The following NTN1 variants were observed in gnomAD, a reference collection of about 807,000 sequenced individuals.
NTN1 encodes netrin-1.
Under a neutral mutation model 54.2 loss-of-function variants are expected in NTN1, and 11 were observed. The ratio of observed to expected loss-of-function variants is 0.20; its 90% confidence interval spans 0.13 to 0.34. The LOEUF is 0.34. Among genes scored for constraint, NTN1 ranks in the 10% least tolerant of loss-of-function variants. The pLI is 1.00. For synonymous variants in NTN1, 371 were observed against 382.0 expected, an observed-to-expected ratio of 0.97 and a Z score of 0.33; for missense variants, 740 against 893.1, an observed-to-expected ratio of 0.83 and a Z score of 2.18.
chr17:9,118,478 C>G (rs1428773214), intron 2 of NTN1, among the ~76,000 whole-genome samples: 4 of 152,200 alleles, frequency 2.6e-5, no homozygotes, highest in African/African-American at 9.6e-5. Flanking sequence ...CGCCATTGCA[C>G]TCCAGCCTGG....
At chr17:9,148,814 T>C (rs964371431) in intron 2 of NTN1, among the ~76,000 whole-genome samples, 6 of 151,904 alleles carry the variant, frequency 3.9e-5, no homozygotes, top group Non-Finnish European at 8.8e-5. Context: ...TGTGCAGTAT[T>C]GAACCCTGCA....
At chr17:9,073,743 C>T (rs952327864) in intron 2 of NTN1, among the ~76,000 whole-genome samples, 3 of 152,196 alleles carry the variant, frequency 2.0e-5, no homozygotes, top group South Asian at 2.1e-4. Flanking sequence ...CCAGGTTGTG[C>T]GTTCCAGAGA....
intron 2 of NTN1, among the ~76,000 whole-genome samples, chr17:9,044,281 C>T (rs1270147658): frequency 4.6e-5 from 7 of 151,418 alleles, no homozygotes; most frequent in Admixed American, 4.6e-4. Flanking sequence ...GCGGCCCAGG[C>T]TGGAGTGCAA....
chr17:9,021,071 G>A (rs2091844726), upstream of NTN1, among the ~76,000 whole-genome samples: 1 of 152,186 alleles, frequency 6.6e-6, no homozygotes, highest in South Asian at 2.1e-4. Context: ...TTAGAGGAAG[G>A]CCCGACCTCC....
At chr17:9,032,912 A>C (rs908748559) in intron 2 of NTN1, among the ~76,000 whole-genome samples, 1 of 151,138 alleles carries the variant, frequency 6.6e-6, no homozygotes, top group Non-Finnish European at 1.5e-5. Context: ...CTGAGCTGCC[A>C]TGAGGAAGGA....
intron 2 of NTN1, among the ~76,000 whole-genome samples, chr17:9,138,853 C>T (rs1014668490): frequency 7.9e-5 from 12 of 152,084 alleles, no homozygotes; most frequent in Non-Finnish European, 4.4e-5. Context: ...GCTGACCTTC[C>T]CACAAGGTGG....
intron 2 of NTN1, among the ~76,000 whole-genome samples, chr17:9,084,734 C>T (rs1410970575): frequency 5.4e-5 from 8 of 147,198 alleles, no homozygotes; most frequent in African/African-American, 2.0e-4. Flanking sequence ...TCACTGCAAC[C>T]TCCGCCTCCT....
At chr17:9,085,993 G>A (rs1303216764) in intron 2 of NTN1, among the ~76,000 whole-genome samples, 7 of 152,176 alleles carry the variant, frequency 4.6e-5, no homozygotes, top group African/African-American at 1.7e-4. Flanking sequence ...TGCCCAGATG[G>A]TCTCTTGCAG....
chr17:9,078,465 C>T (rs999865501), intron 2 of NTN1, among the ~76,000 whole-genome samples: 4 of 152,358 alleles, frequency 2.6e-5, no homozygotes, highest in Admixed American at 1.3e-4. Context: ...CCCGGAATCT[C>T]TGGCTCCCGA....
chr17:9,156,239 T>G (rs75817272), intron 2 of NTN1, among the ~76,000 whole-genome samples: 3 of 44,592 alleles, frequency 6.7e-5, no homozygotes, highest in Admixed American at 6.7e-4. Flanking sequence ...CGTGAGTTGG[T>G]TTTTTTTTTT....
rs1219690914 is a variant in NTN1 at position 9,211,253 on chromosome 17, T to A, written c.1412-9915T>A. Reference sequence around the variant, plus strand: ...TTTCCTGCCCTGGGGCCTTTGCAACTGCCGAGTGCTGGGATGCTCCTCCCT... The same window carrying A: ...TTTCCTGCCCTGGGGCCTTTGCAACAGCCGAGTGCTGGGATGCTCCTCCCT... On this transcript the variant is annotated intron_variant, in intron 5 of 6. Transcript: ENST00000173229. This position sits in a 1 kb window ranked among gnomAD's most constrained non-coding sequence, Gnocchi z 4.4. 1.3e-5 allele frequency among the ~76,000 whole-genome samples: 2 copies of A among 152,206 alleles called. No homozygotes were observed. Among genetic ancestry groups the A allele is most frequent in the African/African-American group, 2.4e-5 (1 of 41,450 alleles).
chr17:9,025,883 A>G (rs1349616177), intron 2 of NTN1, among the ~76,000 whole-genome samples: 1 of 152,238 alleles, frequency 6.6e-6, no homozygotes, highest in Non-Finnish European at 1.5e-5. Flanking sequence ...AAATCCTTCA[A>G]AAGTAACTTT....
intron 5 of NTN1, among the ~76,000 whole-genome samples, chr17:9,216,671 C>A (rs938695252): frequency 6.6e-6 from 1 of 152,212 alleles, no homozygotes; most frequent in African/African-American, 2.4e-5. Flanking sequence ...CCTGGATTTC[C>A]TTCTGCTCTG....
At chr17:9,205,373 A>G (rs1904939427) in intron 5 of NTN1, among the ~76,000 whole-genome samples, 1 of 152,248 alleles carries the variant, frequency 6.6e-6, no homozygotes, top group African/African-American at 2.4e-5. Flanking sequence ...CATGCCTGTA[A>G]TCCTAACACT....
At chr17:9,204,928 A>ATT (rs148063994) in intron 5 of NTN1, among the ~76,000 whole-genome samples, 41,696 of 145,392 alleles carry the variant, frequency 0.29, 5,965 homozygotes, top group African/African-American at 0.34. Context: ...GTCAACCCTC[A>ATT]TTTTTTTTTT....
At chr17:9,096,291 C>T (rs1035316919) in intron 2 of NTN1, among the ~76,000 whole-genome samples, 1 of 146,846 alleles carries the variant, frequency 6.8e-6, no homozygotes, top group Non-Finnish European at 1.5e-5. Flanking sequence ...ATGAAAGAAA[C>T]TGGCTTTTAT....
At chr17:9,108,349 G>A (rs2092176006) in intron 2 of NTN1, among the ~76,000 whole-genome samples, 1 of 152,120 alleles carries the variant, frequency 6.6e-6, no homozygotes. Context: ...CCCCAGGAAG[G>A]GGTGCCTCGT....
chr17:9,115,360 C>T lies in NTN1; in HGVS notation c.1019-47453C>T, dbSNP rs112899249. Reference sequence around the variant, plus strand: ...GTTCACCAAAGACCCACAATGCTGGCGTCAGCCTTGCATGTGTTCCCCAGG... The same window carrying T: ...GTTCACCAAAGACCCACAATGCTGGTGTCAGCCTTGCATGTGTTCCCCAGG... On this transcript the variant is annotated intron_variant, in intron 2 of 6. Transcript: ENST00000173229. 6.8e-4 allele frequency among the ~76,000 whole-genome samples: 104 copies of T among 152,332 alleles called. 1 individual carries two copies. Among genetic ancestry groups the T allele is most frequent in the African/African-American group, 2.3e-3 (96 of 41,582 alleles).
At position 9,022,660 on chromosome 17, in the gene NTN1, C is replaced by A; in HGVS notation, c.287C>A (p.Ala96Glu). 6.4e-7 allele frequency: 1 copy of A among 1,568,898 alleles called. No individual in the cohort carries two copies. Among genetic ancestry groups the A allele is most frequent in the Non-Finnish European group, 8.6e-7 (1 of 1,158,506 alleles). ...ERLRSCHLCN[A>E]SDPKKAHPPA... ...CTGCGCTCGTGCCACCTCTGCAACG[C>A]GTCCGACCCCAAGAAGGCGCACCCG... The change falls in exon 2 of 7, where the codon GCG becomes GAG. Residue 96 changes from alanine (A) to glutamate (E), a missense_variant. Transcript: ENST00000173229.
Sources: gnomAD v4.1 joint callset for allele counts (sites outside exome capture counted in the v4.1 genomes callset) on GRCh38, gnomAD v4.1.1 for gene constraint, Gnocchi (gnomAD v3.1) non-coding constraint, MANE v1.5 for transcripts, NCBI Gene and HGNC (gene_info 2026-07-23, HGNC 2026-07-21) for gene names.